Variants in ARIH1 observed in about 807,000 individuals in gnomAD.
ARIH1 encodes the protein E3 ubiquitin-protein ligase ARIH1.
In ARIH1, 8 loss-of-function variants were observed where a neutral mutation model predicts 85.0. The observed-to-expected ratio is 0.09, with a 90% CI of 0.06 to 0.17. The LOEUF (loss-of-function observed/expected upper bound fraction) is 0.17, where lower values mean the gene tolerates loss of function less well. Ranked by LOEUF, ARIH1 falls within the 10% of genes least tolerant of loss-of-function variation. ARIH1 has a pLI of 1.00. For synonymous variants in ARIH1, 238 were observed against 253.6 expected (o/e 0.94, Z 0.59); for missense variants, 311 against 718.1 (o/e 0.43, Z 6.48).
chr15:72,478,257 A>G (rs1316543548), intron 1 of ARIH1, among the ~76,000 whole-genome samples: 1 of 152,078 alleles, frequency 6.6e-6, no homozygotes, highest in Non-Finnish European at 1.5e-5. Context: ...CTGGGATTAC[A>G]GGTGTGCACC....
chr15:72,497,015 GT>G (rs1427943314), intron 1 of ARIH1, among the ~76,000 whole-genome samples: 2 of 152,246 alleles, frequency 1.3e-5, no homozygotes, highest in African/African-American at 2.4e-5. Flanking sequence ...CAAATGTGAT[GT>G]ACTTGTAAAG....
Position 72,588,366 on chromosome 15 carries a change from T to C in ARIH1, c.*5074T>C, listed in dbSNP as rs1393835674. On this transcript the variant is annotated 3_prime_UTR_variant, in exon 14 of 14. Coordinates refer to ENST00000379887, the MANE Select transcript of ARIH1 (RefSeq NM_005744.5). ...AGTGATACTTAAACTTGACTGCGAA[T>C]TGGAATCACTGAGAAGCTTTAAAAA... is the stretch of plus-strand genomic sequence containing the variant. 3 of 152,330 alleles carry C rather than the reference T, an allele frequency of 2.0e-5. No individual in the cohort carries two copies. The highest frequency in any genetic ancestry group is 4.1e-4 in the South Asian group (2 of 4,832). The allele number at this position is 152,330 out of a possible 1,614,324, so 9.4% of individuals were successfully genotyped here. A position where few individuals can be genotyped will look rare whatever the true frequency, so the allele number is the denominator to read the frequency against.
rs1202654374 is a variant in ARIH1, at chr15:72,582,515, G to A, written c.1589+328G>A. ...GAATTGAATGTTGGTCTTAGCCTGA[G>A]AATCCTATGTATGGGTCATGGCTAT... On this transcript the variant is annotated intron_variant, in intron 13 of 13. Coordinates refer to ENST00000379887, the MANE Select transcript of ARIH1 (RefSeq NM_005744.5). This position sits in a 1 kb window ranked among gnomAD's most constrained non-coding sequence, Gnocchi z 4.6. Among the ~76,000 whole-genome samples, 1 of 152,088 alleles carries A rather than the reference G, an allele frequency of 6.6e-6. No individual in the cohort carries two copies. Among genetic ancestry groups the A allele is most frequent in the African/African-American group, 2.4e-5 (1 of 41,414 alleles).
chr15:72,564,329 C>T (rs2064210024), intron 7 of ARIH1, among the ~76,000 whole-genome samples: 1 of 152,204 alleles, frequency 6.6e-6, no homozygotes, highest in Admixed American at 6.5e-5. Context: ...TAGTTTCTAA[C>T]AGCATGTTCC....
At chr15:72,544,408 C>T (rs1179512727) in intron 2 of ARIH1, among the ~76,000 whole-genome samples, 1 of 151,914 alleles carries the variant, frequency 6.6e-6, no homozygotes, top group East Asian at 1.9e-4. Context: ...TCATAGGTAC[C>T]CCAGCAACAG....
At chr15:72,483,796 A>G (rs1178054963) in intron 1 of ARIH1, among the ~76,000 whole-genome samples, 1 of 82,374 alleles carries the variant, frequency 1.2e-5, no homozygotes, top group African/African-American at 3.7e-5. Context: ...TCTCCAGTTT[A>G]CTGATTTTTT....
chr15:72,514,703 T>TAA (rs879898295), intron 1 of ARIH1, among the ~76,000 whole-genome samples: 8 of 135,890 alleles, frequency 5.9e-5, no homozygotes, highest in Non-Finnish European at 9.5e-5. Context: ...GACCTTGTCT[T>TAA]AAAAAAAAAA....
chr15:72,506,299 G>A (rs1371347739), intron 1 of ARIH1, among the ~76,000 whole-genome samples: 6 of 126,818 alleles, frequency 4.7e-5, no homozygotes, highest in Non-Finnish European at 4.7e-5. Context: ...GCAATGAGGC[G>A]AGATTGCGCC....
At chr15:72,479,601 G>C (rs1161717325) in intron 1 of ARIH1, among the ~76,000 whole-genome samples, 1 of 152,010 alleles carries the variant, frequency 6.6e-6, no homozygotes, top group African/African-American at 2.4e-5. Flanking sequence ...TAGAGACTGG[G>C]TTTCACCATG....
intron 1 of ARIH1, among the ~76,000 whole-genome samples, chr15:72,487,655 C>G (rs1425130896): frequency 6.6e-6 from 1 of 151,954 alleles, no homozygotes; most frequent in Non-Finnish European, 1.5e-5. Context: ...CCAGTTATCC[C>G]TGATCAAGTT....
rs778893173 is a variant in ARIH1 at position 72,583,175 on chromosome 15, A to G, written c.1590-33A>G. The G allele has an allele frequency of 9.2e-6, 14 of 1,513,616 alleles. No homozygotes were observed. The South Asian group carries it at 1.5e-4, about 16-fold the overall frequency. The allele number at this position is 1,513,616 out of a possible 1,614,324, so 93.8% of individuals were successfully genotyped here. ...TCTTTTTTTATTATTAGAGGCTGAC[A>G]ACAAGTTTTTTTTTTTTTCTCTTTG... On this transcript the variant is annotated intron_variant, in intron 13 of 13. Transcript: ENST00000379887.
At chr15:72,475,132 G>T (rs781600753) in intron 1 of ARIH1, 118 bp downstream of exon 1, 29 of 1,439,864 alleles carry the variant, frequency 2.0e-5, no homozygotes, top group Non-Finnish European at 2.7e-5. Context: ...GGTGCCTCCC[G>T]GCCTTGTCTT....
intron 1 of ARIH1, among the ~76,000 whole-genome samples, chr15:72,502,831 G>A (rs772337426): frequency 6.8e-4 from 103 of 151,968 alleles, no homozygotes; most frequent in Non-Finnish European, 7.4e-4. Context: ...AAAAAAAAGA[G>A]TGATGAAGGT....
intron 1 of ARIH1, among the ~76,000 whole-genome samples, chr15:72,511,105 A>ATGG (rs200837449): frequency 0.014 from 2,116 of 152,266 alleles, 23 homozygotes; most frequent in Non-Finnish European, 0.022. Flanking sequence ...ATCCATGAAG[A>ATGG]TGGCATCTCT....
intron 2 of ARIH1, among the ~76,000 whole-genome samples, chr15:72,523,234 G>A (rs1415369558): frequency 1.3e-5 from 2 of 152,200 alleles, no homozygotes; most frequent in East Asian, 1.9e-4. Context: ...AAACTTGGAA[G>A]CAACCAAGAT....
intron 1 of ARIH1, among the ~76,000 whole-genome samples, chr15:72,515,967 T>A (rs1332752720): frequency 1.3e-5 from 2 of 152,208 alleles, no homozygotes; most frequent in Non-Finnish European, 2.9e-5. Context: ...ATGCCTCACA[T>A]GGCAGTGAGC....
intron 2 of ARIH1, among the ~76,000 whole-genome samples, chr15:72,520,102 T>C (rs2063992962): frequency 6.6e-6 from 1 of 152,206 alleles, no homozygotes; most frequent in African/African-American, 2.4e-5. Flanking sequence ...TCAGTTTTTC[T>C]GGGAACCTTA....
intron 2 of ARIH1, among the ~76,000 whole-genome samples, chr15:72,520,522 T>C (rs1243753416): frequency 6.6e-6 from 1 of 152,188 alleles, no homozygotes; most frequent in Non-Finnish European, 1.5e-5. Flanking sequence ...CATATTCATG[T>C]TTTATAATTA....
intron 1 of ARIH1, among the ~76,000 whole-genome samples, chr15:72,507,282 C>T (rs1241153905): frequency 6.6e-6 from 1 of 152,134 alleles, no homozygotes; most frequent in African/African-American, 2.4e-5. Context: ...CCTTGGCCTC[C>T]CAAAGTGCTG....
Sources: allele counts gnomAD v4.1 joint callset (sites outside exome capture counted in the v4.1 genomes callset), GRCh38; gene constraint gnomAD v4.1.1; non-coding constraint Gnocchi (gnomAD v3.1); transcripts MANE v1.5; gene names NCBI Gene and HGNC (gene_info 2026-07-23, HGNC 2026-07-21).